GLP2R: variants seen among roughly 807,000 people sequenced by gnomAD.
GLP2R encodes glucagon like peptide 2 receptor.
In GLP2R, 59 loss-of-function variants were observed where a neutral mutation model predicts 68.2. That is an observed-to-expected ratio of 0.87 (90% CI 0.70 to 1.07). The LOEUF (loss-of-function observed/expected upper bound fraction) is 1.07. GLP2R is among the 50% of genes least tolerant of loss of function. The probability of loss-of-function intolerance (pLI) is 0.00; values close to 1 mark genes in which losing one functional copy is unlikely to be tolerated. For synonymous variants in GLP2R, 270 were observed against 265.4 expected (o/e 1.02, Z -0.17); for missense variants, 548 against 677.4 (o/e 0.81, Z 2.12).
intron 1 of GLP2R, among the ~76,000 whole-genome samples, chr17:9,830,903 T>C (rs759900330): frequency 2.6e-5 from 4 of 152,244 alleles, no homozygotes; most frequent in Non-Finnish European, 4.4e-5. Flanking sequence ...GCTTGAGAAG[T>C]TGTGCAATGG....
At chr17:9,861,781 A>T (rs2066990019) in intron 8 of GLP2R, among the ~76,000 whole-genome samples, 1 of 152,196 alleles carries the variant, frequency 6.6e-6, no homozygotes, top group African/African-American at 2.4e-5. Context: ...TTTTGGAAAG[A>T]TATACACACT....
At chr17:9,838,787 G>T (rs768442384) in intron 3 of GLP2R, among the ~76,000 whole-genome samples, 1 of 152,230 alleles carries the variant, frequency 6.6e-6, no homozygotes, top group African/African-American at 2.4e-5. Context: ...GTGGAAGGGC[G>T]CAGAGGAGAA....
intron 9 of GLP2R, chr17:9,865,710 T>C: frequency 2.3e-6 from 1 of 427,436 alleles, no homozygotes; most frequent in South Asian, 1.8e-5. Flanking sequence ...AATCTCTCTA[T>C]CCCCTACCCT....
chr17:9,827,548 CAAG>C (rs2066643515), intron 1 of GLP2R, among the ~76,000 whole-genome samples: 4 of 152,248 alleles, frequency 2.6e-5, no homozygotes, highest in Admixed American at 2.6e-4. Context: ...TTATTCTATC[CAAG>C]AAGATTAGAC....
intron 9 of GLP2R, among the ~76,000 whole-genome samples, chr17:9,869,890 A>G (rs909745270): frequency 6.6e-6 from 1 of 152,216 alleles, no homozygotes; most frequent in African/African-American, 2.4e-5. Context: ...AAGGGGGATT[A>G]GCCTCCACTT....
intron 11 of GLP2R, among the ~76,000 whole-genome samples, chr17:9,881,473 C>T (rs967579834): frequency 8.9e-5 from 12 of 134,284 alleles, no homozygotes; most frequent in South Asian, 2.1e-4. Context: ...CTCCGCCTCC[C>T]GGGTTCACGC....
chr17:9,879,311 A>G (rs890370324), intron 10 of GLP2R, among the ~76,000 whole-genome samples: 6 of 79,372 alleles, frequency 7.6e-5, no homozygotes, highest in African/African-American at 1.5e-4. Flanking sequence ...AAAATAAAAT[A>G]AAATAAAATA....
chr17:9,852,030 G>T (rs997030047), intron 4 of GLP2R, among the ~76,000 whole-genome samples: 1 of 149,698 alleles, frequency 6.7e-6, no homozygotes, highest in African/African-American at 2.5e-5. Context: ...CAGTCATGGA[G>T]AGAAATGTAT....
intron 11 of GLP2R, among the ~76,000 whole-genome samples, chr17:9,887,019 G>T (rs909301959): frequency 6.6e-6 from 1 of 152,168 alleles, no homozygotes; most frequent in Non-Finnish European, 1.5e-5. Flanking sequence ...GGTGATCACA[G>T]TGACTATCTG....
intron 12 of GLP2R, 88 bp from the exon 13 acceptor site, chr17:9,889,282 C>G (rs2067269208): frequency 1.2e-6 from 1 of 841,400 alleles, no homozygotes; most frequent in African/African-American, 1.7e-5. Context: ...AAGGGTGGCA[C>G]AGAGTAGCTA....
chr17:9,832,455 C>T (rs139989151), intron 1 of GLP2R, among the ~76,000 whole-genome samples: 39 of 152,232 alleles, frequency 2.6e-4, no homozygotes, highest in African/African-American at 9.1e-4. Context: ...TTCACCTACT[C>T]AGGAGGTGAG....
chr17:9,840,264 C>A (rs186011878), intron 3 of GLP2R, among the ~76,000 whole-genome samples: 3 of 152,202 alleles, frequency 2.0e-5, no homozygotes, highest in African/African-American at 7.2e-5. Flanking sequence ...CGTGAGCCAC[C>A]GCACCCGGCC....
At chr17:9,839,463 G>A (rs893879893) in intron 3 of GLP2R, among the ~76,000 whole-genome samples, 2 of 151,566 alleles carry the variant, frequency 1.3e-5, no homozygotes, top group East Asian at 1.9e-4. Flanking sequence ...GGTCCACCTG[G>A]CCCCACCCAA....
intron 10 of GLP2R, among the ~76,000 whole-genome samples, chr17:9,873,152 C>G (rs2067110570): frequency 6.6e-6 from 1 of 152,170 alleles, no homozygotes; most frequent in African/African-American, 2.4e-5. Context: ...GCTGGGTGCA[C>G]TCAGGGAGGA....
chr17:9,865,314 TTGTG>T (rs3837867), intron 9 of GLP2R, among the ~76,000 whole-genome samples: 7 of 118,270 alleles, frequency 5.9e-5, no homozygotes, highest in Admixed American at 2.0e-4. Flanking sequence ...CCTTGTGATT[TTGTG>T]TGTGTGTGTG....
intron 9 of GLP2R, chr17:9,866,963 A>G (rs1230422985): frequency 2.0e-5 from 3 of 152,260 alleles, no homozygotes; most frequent in Non-Finnish European, 4.4e-5. Context: ...ATAAAATAAA[A>G]TAAGATAAAA....
In GLP2R at chr17:9,882,813, A is replaced by G. The variant is rs866519950; in HGVS notation, c.1284+2297A>G. 3.9e-5 allele frequency among the ~76,000 whole-genome samples: 6 copies of G among 152,350 alleles called. No homozygotes were observed. The South Asian group carries it at 1.2e-3, about 32-fold the overall frequency. On this transcript the variant is annotated intron_variant, in intron 11 of 12. Transcript: ENST00000262441. Reference sequence around the variant, plus strand: ...ACTGGCCATATACCACAGCAGAGACAGATTCCACATAACTAGTAGTCCAGA... The same window carrying G: ...ACTGGCCATATACCACAGCAGAGACGGATTCCACATAACTAGTAGTCCAGA...
chr17:9,871,213 C>T (rs1032335287), intron 10 of GLP2R, among the ~76,000 whole-genome samples: 1 of 151,936 alleles, frequency 6.6e-6, no homozygotes, highest in African/African-American at 2.4e-5. Context: ...ACCAAAAATA[C>T]AAAAGTTAGC....
chr17:9,861,178 G>A lies in GLP2R; in HGVS notation c.965G>A (p.Arg322His), dbSNP rs753312498. Residue 322 changes from arginine (R) to histidine (H), a missense_variant, in exon 8 of 13, where the codon CGT becomes CAT. Physicochemically the swap from Arg to His is conservative, Grantham distance 29. Coordinates refer to ENST00000262441, the MANE Select transcript of GLP2R (RefSeq NM_004246.3). ...TTTGTTGTACCCTGGGGTTTCGCCCGTGCACACCTGGAGAACACAGGGTAG... is the reference window on the plus strand; with the variant it reads ...TTTGTTGTACCCTGGGGTTTCGCCCATGCACACCTGGAGAACACAGGGTAG... ...VLFVVPWGFA[R>H]AHLENTGCWT... The A allele has an allele frequency of 1.1e-5, 18 of 1,612,296 alleles. No homozygotes were observed. Among genetic ancestry groups the A allele is most frequent in the South Asian group, 3.3e-5 (3 of 90,960 alleles).
Sources: allele counts gnomAD v4.1 joint callset (sites outside exome capture counted in the v4.1 genomes callset), GRCh38; gene constraint gnomAD v4.1.1; transcripts MANE v1.5; gene names NCBI Gene and HGNC (gene_info 2026-07-23, HGNC 2026-07-21).